PRRC2B: variants seen among roughly 807,000 people sequenced by gnomAD.
PRRC2B encodes the protein proline rich coiled-coil 2B, also known as protein PRRC2B.
PRRC2B carries 68 observed loss-of-function variants against 242.3 expected under a neutral mutation model. The observed-to-expected ratio is 0.28, with a 90% CI of 0.23 to 0.34. The LOEUF (loss-of-function observed/expected upper bound fraction) is 0.34. PRRC2B is among the 10% of genes least tolerant of loss of function. The probability of loss-of-function intolerance (pLI) is 1.00; values close to 1 mark genes in which losing one functional copy is unlikely to be tolerated. For synonymous variants in PRRC2B, 1,228 were observed against 1,173.6 expected (o/e 1.05, Z -0.95); for missense variants, 2,835 against 2,954.8 (o/e 0.96, Z 0.94).
Position 131,478,563 on chromosome 9 carries a change from A to C in PRRC2B, c.4702A>C (p.Lys1568Gln). The change falls in exon 18 of 32, where the codon AAG (lysine) becomes CAG (glutamine). Residue 1568 changes from lysine (K) to glutamine (Q), a missense_variant. Transcript: ENST00000683519. ...CGAAGGCTTCATCGAAGTCCTGACC[A>C]AGAAGCAGCGCCGCCTGCTGGAGGA... ...VGEGFIEVLT[K>Q]KQRRLLEEER... 6.2e-7 allele frequency: 1 copy of C among 1,606,450 alleles called. No individual in the cohort carries two copies. Among genetic ancestry groups the C allele is most frequent in the Non-Finnish European group, 8.5e-7 (1 of 1,175,626 alleles).
chr9:131,386,864 T>C (rs183025656), intron 1 of PRRC2B, among the ~76,000 whole-genome samples: 1 of 149,786 alleles, frequency 6.7e-6, no homozygotes, highest in African/African-American at 2.4e-5. Flanking sequence ...TATTAAGTAT[T>C]AATTTACACG....
chr9:131,432,831 G>C, intron 3 of PRRC2B, 37 bp downstream of exon 3: 1 of 1,604,196 alleles, frequency 6.2e-7, no homozygotes. Context: ...GGGAGCTGGC[G>C]CTCCAAGGGT....
chr9:131,440,681 G>T (rs1276760763), intron 5 of PRRC2B, among the ~76,000 whole-genome samples: 1 of 152,178 alleles, frequency 6.6e-6, no homozygotes, highest in African/African-American at 2.4e-5. Context: ...TGAAATGCCT[G>T]TAAAATTATG....
intron 19 of PRRC2B, among the ~76,000 whole-genome samples, chr9:131,481,311 CAAAAAAAAAAAAA>C (rs11404767): frequency 1.3e-5 from 1 of 79,260 alleles, no homozygotes; most frequent in African/African-American, 5.8e-5. Flanking sequence ...ACTCCGTCTC[CAAAAAAAAAAAAA>C]AAAAAAAAGA....
intron 28 of PRRC2B, chr9:131,490,440 T>G (rs1944156236): frequency 1.9e-6 from 1 of 518,860 alleles, no homozygotes; most frequent in African/African-American, 1.9e-5. Context: ...ACCATTTTGG[T>G]GCTCCAAGGA....
rs147545803 is a variant in PRRC2B at position 131,405,810 on chromosome 9, C to A, written c.-52+11547C>A. ...CTCTTCCTGGTGGAGAGTAGCTCTC[C>A]CTTGCAGGCACAGTGCAGCACCCCA... On this transcript the variant is annotated intron_variant, in intron 1 of 31. Coordinates refer to ENST00000683519, the MANE Select transcript of PRRC2B (RefSeq NM_013318.4). Among the ~76,000 whole-genome samples, 438 of 152,218 alleles carry A rather than the reference C, an allele frequency of 2.9e-3. 1 individual carries two copies. The highest frequency in any genetic ancestry group is 0.014 in the Middle Eastern group (4 of 294).
intron 28 of PRRC2B, among the ~76,000 whole-genome samples, chr9:131,489,895 G>A (rs930394596): frequency 6.6e-6 from 1 of 151,536 alleles, no homozygotes; most frequent in African/African-American, 2.4e-5. Context: ...CCAGGCCGTC[G>A]CTCCTGGCTT....
intron 16 of PRRC2B, among the ~76,000 whole-genome samples, chr9:131,477,253 C>T (rs1482892728): frequency 5.9e-5 from 9 of 152,172 alleles, no homozygotes; most frequent in Admixed American, 1.3e-4. Context: ...TGGCTTCACA[C>T]CTCCACTCTC....
At chr9:131,401,507 A>C (rs1374149769) in intron 1 of PRRC2B, among the ~76,000 whole-genome samples, 2 of 150,004 alleles carry the variant, frequency 1.3e-5, no homozygotes, top group Admixed American at 1.3e-4. Flanking sequence ...ACGCCACCAC[A>C]CCCAGCTAAT....
intron 4 of PRRC2B, among the ~76,000 whole-genome samples, 197 bp from the exon 5 acceptor site, chr9:131,438,792 G>A (rs934863404): frequency 2.6e-5 from 4 of 152,238 alleles, no homozygotes; most frequent in South Asian, 4.2e-4. Context: ...GCATTTTCTC[G>A]TCCCTGGGAC....
intron 11 of PRRC2B, among the ~76,000 whole-genome samples, chr9:131,462,033 T>C (rs2131417466): frequency 6.6e-6 from 1 of 152,348 alleles, no homozygotes; most frequent in African/African-American, 2.4e-5. Flanking sequence ...CATTCACATG[T>C]TGAGGTTGCT....
intron 1 of PRRC2B, among the ~76,000 whole-genome samples, chr9:131,376,226 C>A (rs1400665484): frequency 6.8e-6 from 1 of 147,070 alleles, no homozygotes; most frequent in East Asian, 2.0e-4. Context: ...TGGTGGCGCG[C>A]GTCTGTAATC....
chr9:131,414,586 T>G (rs1168273594), intron 1 of PRRC2B, among the ~76,000 whole-genome samples: 5 of 149,256 alleles, frequency 3.3e-5, no homozygotes, highest in Admixed American at 6.7e-5. Context: ...TTTTTTTTTT[T>G]GGAGATGGAG....
intron 1 of PRRC2B, among the ~76,000 whole-genome samples, chr9:131,402,765 A>G (rs1463093376): frequency 1.3e-5 from 2 of 152,206 alleles, no homozygotes; most frequent in Non-Finnish European, 2.9e-5. Context: ...GCCCTGGAAC[A>G]TTAAAAATGT....
intron 1 of PRRC2B, among the ~76,000 whole-genome samples, chr9:131,381,055 C>A (rs531244303): frequency 6.6e-6 from 1 of 152,106 alleles, no homozygotes; most frequent in Non-Finnish European, 1.5e-5. Context: ...TACCGGCCTA[C>A]GCTACATAGG....
intron 28 of PRRC2B, chr9:131,490,986 G>C (rs576297032): frequency 7.6e-6 from 2 of 261,692 alleles, no homozygotes; most frequent in African/African-American, 4.4e-5. Flanking sequence ...TGTCCAGTGT[G>C]TGACACACTA....
intron 1 of PRRC2B, among the ~76,000 whole-genome samples, chr9:131,386,473 G>T (rs995602496): frequency 6.7e-6 from 1 of 150,132 alleles, no homozygotes; most frequent in Non-Finnish European, 1.5e-5. Flanking sequence ...TCCCCAGAGG[G>T]TGTCACCCCA....
At chr9:131,437,106 CAA>C (rs998986553) in intron 4 of PRRC2B, among the ~76,000 whole-genome samples, 2 of 152,090 alleles carry the variant, frequency 1.3e-5, no homozygotes, top group Non-Finnish European at 2.9e-5. Context: ...TGGCAGGTCA[CAA>C]AAAGGTTCAC....
intron 3 of PRRC2B, 60 bp downstream of exon 3, chr9:131,432,854 C>T (rs1838223883): frequency 8.3e-6 from 13 of 1,572,844 alleles, no homozygotes; most frequent in Non-Finnish European, 1.1e-5. Context: ...TCCCGGCATC[C>T]TTCCCTGTGG....
Sources: gnomAD v4.1 joint callset for allele counts (sites outside exome capture counted in the v4.1 genomes callset) on GRCh38, gnomAD v4.1.1 for gene constraint, MANE v1.5 for transcripts, NCBI Gene and HGNC (gene_info 2026-07-23, HGNC 2026-07-21) for gene names.